MPDZ: variants seen among roughly 807,000 people sequenced by gnomAD.
The protein encoded by MPDZ is multiple PDZ domain protein.
MPDZ carries 234 observed loss-of-function variants against 239.1 expected under a neutral mutation model. That is an observed-to-expected ratio of 0.98 (90% confidence interval 0.88 to 1.09). The LOEUF (loss-of-function observed/expected upper bound fraction) is 1.09, where lower values mean the gene tolerates loss of function less well. Ranked by LOEUF, MPDZ falls within the 50% of genes least tolerant of loss-of-function variation. The probability of loss-of-function intolerance (pLI) is 0.00; values close to 1 mark genes in which losing one functional copy is unlikely to be tolerated. For missense variants in MPDZ, 3,175 were observed against 2,510.0 expected (o/e 1.26, Z -5.66); for synonymous variants, 1,048 against 881.3 (o/e 1.19, Z -3.35).
At chr9:13,241,623 C>A (rs576675614) in intron 3 of MPDZ, among the ~76,000 whole-genome samples, 2 of 152,200 alleles carry the variant, frequency 1.3e-5, no homozygotes, top group South Asian at 4.1e-4. Context: ...AACACAGGCA[C>A]TTCTGCTCTT....
chr9:13,139,829 T>C (rs1947370811), intron 28 of MPDZ, 158 bp downstream of exon 28: 5 of 844,190 alleles, frequency 5.9e-6, no homozygotes, highest in South Asian at 4.2e-5. Flanking sequence ...GAATGTATGC[T>C]GTATTCAAGC....
intron 21 of MPDZ, among the ~76,000 whole-genome samples, chr9:13,174,788 T>C (rs1952241371): frequency 6.6e-6 from 1 of 152,260 alleles, no homozygotes; most frequent in Admixed American, 6.5e-5. Flanking sequence ...ATAAGAAATA[T>C]TACAACAACA....
Position 13,223,572 on chromosome 9 carries a change from T to C in MPDZ, c.532A>G (p.Arg178Gly). 3 of 1,610,236 alleles carry C rather than the reference T, an allele frequency of 1.9e-6. No individual in the cohort carries two copies. The highest frequency in any genetic ancestry group is 1.7e-4 in the Middle Eastern group (1 of 6,030). Reference protein sequence around the residue: ...QEIQEGSVAHRDGRLKETDQI... With the variant: ...QEIQEGSVAHGDGRLKETDQI... ...AAGAAGACGCCGCGACCATCTCACC[T>C]ATGGGCCACACTGCCCTCTTGTATC... Residue 178 changes from arginine to glycine, a missense_variant and splice_region_variant, in exon 5 of 47, where the codon AGA becomes GGA. By Grantham distance (125) the Arg-to-Gly change is moderately radical. Coordinates refer to ENST00000319217, the MANE Select transcript of MPDZ (RefSeq NM_001378778.1).
At chr9:13,171,160 T>G (rs1392671742) in intron 21 of MPDZ, among the ~76,000 whole-genome samples, 1 of 152,156 alleles carries the variant, frequency 6.6e-6, no homozygotes. Context: ...AACACATATG[T>G]AATAGTACTT....
chr9:13,213,588 C>A (rs1405152380), intron 10 of MPDZ, among the ~76,000 whole-genome samples: 1 of 152,018 alleles, frequency 6.6e-6, no homozygotes, highest in Non-Finnish European at 1.5e-5. Context: ...AAAAGCATTG[C>A]ATGATGTTCT....
intron 19 of MPDZ, among the ~76,000 whole-genome samples, chr9:13,178,837 C>T (rs1330071141): frequency 2.0e-5 from 3 of 152,108 alleles, no homozygotes; most frequent in Admixed American, 1.3e-4. Flanking sequence ...ATTTCTGCAA[C>T]CAAATTTGTC....
intron 35 of MPDZ, 94 bp downstream of exon 35, chr9:13,125,122 A>G: frequency 8.3e-7 from 1 of 1,198,980 alleles, no homozygotes; most frequent in Non-Finnish European, 1.2e-6. Flanking sequence ...CCAAACAGTG[A>G]GCCACAGGTA....
intron 10 of MPDZ, among the ~76,000 whole-genome samples, chr9:13,211,330 C>A (rs1015289239): frequency 6.6e-6 from 1 of 151,962 alleles, no homozygotes; most frequent in African/African-American, 2.4e-5. Context: ...TAAGATTATA[C>A]CTAATAAATC....
chr9:13,251,128 C>CAAAAAAAAAAAAAAAAAAAAAAAAGAAA (rs150252589), intron 1 of MPDZ, among the ~76,000 whole-genome samples: 1 of 36,462 alleles, frequency 2.7e-5, no homozygotes, highest in African/African-American at 1.2e-4. Context: ...GACTCCATCT[C>CAAAAAAAAAAAAAAAAAAAAAAAAGAAA]AAAAAAAAAA....
chr9:13,239,333 G>A (rs921453496), intron 3 of MPDZ, among the ~76,000 whole-genome samples: 1 of 152,098 alleles, frequency 6.6e-6, no homozygotes, highest in African/African-American at 2.4e-5. Flanking sequence ...AGTCCAGCCT[G>A]CCTGGCTCTA....
rs1950044418 is a variant in MPDZ, at chr9:13,158,123, T to G, written c.3360-13A>C. 1 of 1,606,070 alleles carries G rather than the reference T, an allele frequency of 6.2e-7. No homozygotes were observed. Among genetic ancestry groups the G allele is most frequent in the African/African-American group, 1.3e-5 (1 of 74,734 alleles). Reference sequence around the variant, plus strand: ...TTCTGGAATGTCTCTGGTTAAAGAATTACACAATGAGTACCCCAAAATCCT... The same window carrying G: ...TTCTGGAATGTCTCTGGTTAAAGAAGTACACAATGAGTACCCCAAAATCCT... On this transcript the variant is annotated splice_polypyrimidine_tract_variant and intron_variant, in intron 23 of 46. Coordinates refer to ENST00000319217, the MANE Select transcript of MPDZ (RefSeq NM_001378778.1).
At chr9:13,265,360 G>A (rs952602387) in intron 1 of MPDZ, among the ~76,000 whole-genome samples, 2 of 152,094 alleles carry the variant, frequency 1.3e-5, no homozygotes, top group Admixed American at 6.6e-5. Context: ...ACCTGAGGTC[G>A]GGAGTTCAAG....
intron 22 of MPDZ, among the ~76,000 whole-genome samples, chr9:13,167,229 T>G: frequency 6.6e-6 from 1 of 152,102 alleles, no homozygotes; most frequent in East Asian, 1.9e-4. Flanking sequence ...AGGACTGACA[T>G]TTTTAATGAT....
At position 13,248,715 on chromosome 9, in the gene MPDZ, C is replaced by T. The variant is rs144464719; in HGVS notation, c.17-914G>A. 4.2e-4 allele frequency among the ~76,000 whole-genome samples: 63 copies of T among 151,632 alleles called. 1 individual carries two copies. The East Asian group carries it at 0.011, about 27-fold the overall frequency. On this transcript the variant is annotated intron_variant, in intron 2 of 46. Coordinates refer to ENST00000319217, the MANE Select transcript of MPDZ (RefSeq NM_001378778.1). ...GGGCGCGGTGGCTCATGTCTGTAAT[C>T]CCCGCAGTTTGGGAGGCTGAGGCGG...
chr9:13,197,099 G>GT (rs1288542997), intron 12 of MPDZ, among the ~76,000 whole-genome samples: 1 of 151,612 alleles, frequency 6.6e-6, no homozygotes, highest in Non-Finnish European at 1.5e-5. Flanking sequence ...TTGTAGGTCT[G>GT]TTATGCTTTA....
intron 1 of MPDZ, among the ~76,000 whole-genome samples, chr9:13,263,418 G>A (rs992850243): frequency 4.1e-5 from 6 of 147,368 alleles, no homozygotes; most frequent in African/African-American, 7.5e-5. Context: ...AAAAGATTTC[G>A]CCTAAAACTA....
chr9:13,147,082 G>A (rs1314686292), intron 26 of MPDZ, among the ~76,000 whole-genome samples: 5 of 151,916 alleles, frequency 3.3e-5, no homozygotes, highest in Non-Finnish European at 5.9e-5. Context: ...CGTTCAGTGG[G>A]ATACACAAAT....
intron 21 of MPDZ, among the ~76,000 whole-genome samples, chr9:13,171,905 C>T (rs1227393663): frequency 6.6e-6 from 1 of 152,074 alleles, no homozygotes; most frequent in Admixed American, 6.5e-5. Context: ...CATTGATAGA[C>T]CTCTTCATAA....
chr9:13,241,514 T>C (rs1016605545), intron 3 of MPDZ, among the ~76,000 whole-genome samples: 2 of 152,182 alleles, frequency 1.3e-5, no homozygotes, highest in African/African-American at 2.4e-5. Flanking sequence ...CCTTTACTGA[T>C]AGCAAGCATA....
Sources: allele counts gnomAD v4.1 joint callset (sites outside exome capture counted in the v4.1 genomes callset), GRCh38; gene constraint gnomAD v4.1.1; transcripts MANE v1.5; gene names NCBI Gene and HGNC (gene_info 2026-07-23, HGNC 2026-07-21).